The following CFAP70 variants were observed in gnomAD, a reference collection of about 807,000 sequenced individuals.
CFAP70 encodes cilia- and flagella-associated protein 70.
CFAP70 carries 81 observed loss-of-function variants against 137.6 expected under a neutral mutation model. The ratio of observed to expected loss-of-function variants is 0.59; its 90% confidence interval spans 0.49 to 0.71. The LOEUF (loss-of-function observed/expected upper bound fraction) is 0.71. Ranked by LOEUF, CFAP70 falls within the 30% of genes least tolerant of loss-of-function variation. The pLI, the probability that CFAP70 is intolerant of heterozygous loss-of-function variation, is 0.00. For synonymous variants in CFAP70, 382 were observed against 423.6 expected (o/e 0.90, Z 1.20); for missense variants, 976 against 1,226.7 (o/e 0.80, Z 3.05).
At chr10:73,351,029 G>A (rs1393719067) in intron 3 of CFAP70, among the ~76,000 whole-genome samples, 1 of 136,996 alleles carries the variant, frequency 7.3e-6, no homozygotes, top group African/African-American at 2.7e-5. Flanking sequence ...ATATATATGT[G>A]TATATGTGTG....
At chr10:73,300,550 G>A (rs1407520489) in intron 12 of CFAP70, among the ~76,000 whole-genome samples, 2 of 152,092 alleles carry the variant, frequency 1.3e-5, no homozygotes, top group Non-Finnish European at 2.9e-5. Context: ...CAGAGACAAT[G>A]TTATTCATTC....
At chr10:73,255,940 G>T (rs757774946) in intron 26 of CFAP70, among the ~76,000 whole-genome samples, 1 of 152,156 alleles carries the variant, frequency 6.6e-6, no homozygotes, top group Non-Finnish European at 1.5e-5. Context: ...GCAGAGTTTA[G>T]TAGTTGCAAC....
At chr10:73,323,682 C>T (rs916348932) in intron 8 of CFAP70, among the ~76,000 whole-genome samples, 2 of 152,250 alleles carry the variant, frequency 1.3e-5, no homozygotes, top group Admixed American at 6.5e-5. Context: ...ATATCCCGCA[C>T]CTGGCTTGGA....
chr10:73,323,141 T>C, intron 8 of CFAP70, 44 bp from the exon 10 acceptor site: 1 of 1,539,846 alleles, frequency 6.5e-7, no homozygotes, highest in South Asian at 1.3e-5. Context: ...ATAAGCAATG[T>C]AATATAAGGT....
intron 1 of CFAP70, among the ~76,000 whole-genome samples, chr10:73,356,374 T>C (rs560722858): frequency 3.3e-4 from 50 of 152,212 alleles, no homozygotes; most frequent in African/African-American, 1.2e-3. Context: ...AATTTTTGTA[T>C]TTTTTGTAGA....
upstream of CFAP70, among the ~76,000 whole-genome samples, chr10:73,361,293 C>CTTTTT (rs577780984): frequency 1.4e-4 from 18 of 128,368 alleles, no homozygotes; most frequent in Admixed American, 2.4e-4. Flanking sequence ...CATGCCCGGC[C>CTTTTT]TTTTTTTTTT....
intron 25 of CFAP70, among the ~76,000 whole-genome samples, chr10:73,260,330 T>C (rs112256669): frequency 0.016 from 2,500 of 152,254 alleles, 65 homozygotes; most frequent in African/African-American, 0.057. Context: ...CAAGACCCTG[T>C]CTCTTAAGAA....
At chr10:73,258,639 C>T (rs1052175147) in intron 25 of CFAP70, among the ~76,000 whole-genome samples, 1 of 152,232 alleles carries the variant, frequency 6.6e-6, no homozygotes, top group African/African-American at 2.4e-5. Flanking sequence ...AACAGAGTCA[C>T]ATTTCTCTTC....
At chr10:73,261,953 C>T (rs1343041440) in intron 25 of CFAP70, among the ~76,000 whole-genome samples, 1 of 148,014 alleles carries the variant, frequency 6.8e-6, no homozygotes, top group African/African-American at 2.5e-5. Flanking sequence ...GGAAAGAATA[C>T]ATGTACTGTA....
chr10:73,350,974 T>C (rs2054150937), intron 3 of CFAP70, among the ~76,000 whole-genome samples: 1 of 148,992 alleles, frequency 6.7e-6, no homozygotes, highest in Admixed American at 6.7e-5. Flanking sequence ...TGTATATGTA[T>C]GTGTGTGTGT....
intron 11 of CFAP70, 101 bp from the exon 13 acceptor site, chr10:73,310,350 G>A: frequency 1.4e-6 from 1 of 700,958 alleles, no homozygotes; most frequent in Non-Finnish European, 2.4e-6. Flanking sequence ...TGAGAAAACT[G>A]CATATATAAC....
At position 73,339,222 on chromosome 10, in the gene CFAP70, T is replaced by C. The variant is rs546597395; in HGVS notation, c.582+2177A>G. ...CATCAGCTACTCCGCCCAGCCGAGATGACTACACTGATTTTTTATTTGGTG... is the reference window on the plus strand; with the variant it reads ...CATCAGCTACTCCGCCCAGCCGAGACGACTACACTGATTTTTTATTTGGTG... On this transcript the variant is annotated intron_variant, in intron 6 of 26. Coordinates refer to ENST00000310715, the Ensembl canonical transcript of CFAP70. 6.6e-5 allele frequency among the ~76,000 whole-genome samples: 10 copies of C among 151,268 alleles called. 1 individual carries two copies. The South Asian group carries it at 2.1e-3, about 32-fold the overall frequency.
intron 8 of CFAP70, among the ~76,000 whole-genome samples, chr10:73,325,257 A>C (rs2132239691): frequency 6.6e-6 from 1 of 152,282 alleles, no homozygotes; most frequent in African/African-American, 2.4e-5. Context: ...GTGAAGGAGA[A>C]ATAAAATACT....
chr10:73,262,601 G>A (rs2133601547), intron 25 of CFAP70, among the ~76,000 whole-genome samples: 1 of 152,230 alleles, frequency 6.6e-6, no homozygotes, highest in Middle Eastern at 3.4e-3. Context: ...CCATGAAAAT[G>A]TGAAGAAGGA....
At chr10:73,278,633 T>C (rs2131784065) in intron 19 of CFAP70, among the ~76,000 whole-genome samples, 1 of 152,324 alleles carries the variant, frequency 6.6e-6, no homozygotes, top group South Asian at 2.1e-4. Context: ...TCTTTTTATT[T>C]AAACATTTAC....
upstream of CFAP70, among the ~76,000 whole-genome samples, chr10:73,362,285 G>C (rs2055040602): frequency 6.6e-6 from 1 of 152,124 alleles, no homozygotes; most frequent in African/African-American, 2.4e-5. Context: ...CTAAATGTAA[G>C]AACTAAAACT....
chr10:73,322,970 T>C, exon 9 of CFAP70: 1 of 1,584,428 alleles, frequency 6.3e-7, no homozygotes, highest in Non-Finnish European at 8.5e-7. Flanking sequence ...TACCTTTTCA[T>C]GGACTACACT....
intron 4 of CFAP70, 142 bp from the exon 6 acceptor site, chr10:73,345,386 T>TA (rs1316353283): frequency 5.2e-6 from 4 of 765,810 alleles, no homozygotes; most frequent in Non-Finnish European, 8.2e-6. Flanking sequence ...CCATGTTCTC[T>TA]AAGTCCCATG....
Position 73,299,228 on chromosome 10 carries a change from T to C in CFAP70, c.1318-127A>G, listed in dbSNP as rs781534368. 6.3e-4 allele frequency: 442 copies of C among 705,034 alleles called. 2 individuals are homozygous for C. The highest frequency in any genetic ancestry group is 7.8e-4 in the Non-Finnish European group (351 of 451,746). 43.7% of individuals were successfully genotyped at this position (705,034 alleles called of 1,614,324 possible). ...AGTTTGTTTGTTTGTTTGTTTGTTT[T>C]AGAGACAAGGTCTCTCTCGCCCAGG... On this transcript the variant is annotated intron_variant, in intron 13 of 26. Coordinates refer to ENST00000310715, the Ensembl canonical transcript of CFAP70.
Sources: allele counts gnomAD v4.1 joint callset (sites outside exome capture counted in the v4.1 genomes callset), GRCh38; gene constraint gnomAD v4.1.1; transcripts MANE v1.5; gene names NCBI Gene and HGNC (gene_info 2026-07-23, HGNC 2026-07-21).